UTP25: variants seen among roughly 807,000 people sequenced by gnomAD.
UTP25 encodes the protein UTP25 small subunit processome component.
In UTP25, 50 loss-of-function variants were observed where a neutral mutation model predicts 78.9. The observed-to-expected ratio is 0.63, with a 90% confidence interval of 0.50 to 0.80. The LOEUF is 0.80. Among genes scored for constraint, UTP25 ranks in the 30% least tolerant of loss-of-function variants. The pLI, the probability that UTP25 is intolerant of heterozygous loss-of-function variation, is 0.00. For missense variants in UTP25, 846 were observed against 911.3 expected (o/e 0.93, Z 0.92); for synonymous variants, 329 against 336.5 (o/e 0.98, Z 0.24).
rs776332721 is a variant in UTP25 at position 209,830,852 on chromosome 1, CACA to C, written c.202_204del (p.Gln68del). 9 of 1,613,848 alleles carry C rather than the reference CACA, an allele frequency of 5.6e-6. No homozygotes were observed. In the East Asian group the frequency reaches 2.0e-4, roughly 36 times the overall value. ...TCTGAAAGCGACTCAGAGAGTGAAC[CACA>C]ACAAGTTTCTGGCTACCACAGACTA... On this transcript the variant is annotated inframe_deletion, in exon 3 of 12. Transcript: ENST00000491415.
At chr1:209,835,759 A>G (rs925257366) in intron 5 of UTP25, among the ~76,000 whole-genome samples, 9 of 152,322 alleles carry the variant, frequency 5.9e-5, no homozygotes, top group Admixed American at 2.0e-4. Flanking sequence ...AAGAAATCAT[A>G]CAAAGACATC....
intron 2 of UTP25, 73 bp downstream of exon 2, chr1:209,830,220 C>G (rs2102566936): frequency 1.5e-6 from 2 of 1,311,748 alleles, no homozygotes; most frequent in Non-Finnish European, 2.1e-6. Context: ...AATAATAAAG[C>G]TTGATTACAT....
At position 209,853,337 on chromosome 1, in the gene UTP25, A is replaced by T. The variant is rs1371985681; in HGVS notation, c.*1890A>T. On this transcript the variant is annotated 3_prime_UTR_variant, in exon 12 of 12. Coordinates refer to ENST00000491415, the MANE Select transcript of UTP25 (RefSeq NM_014388.7). ...TTACCTCATTCAGAAATGTGAGGCGAAGGGACTGTAATTACCTGGATCTTT... is the reference window on the plus strand; with the variant it reads ...TTACCTCATTCAGAAATGTGAGGCGTAGGGACTGTAATTACCTGGATCTTT... 6.6e-6 allele frequency: 1 copy of T among 151,828 alleles called. No homozygotes were observed. The highest frequency in any genetic ancestry group is 1.5e-5 in the Non-Finnish European group (1 of 68,002). The allele number at this position is 151,828 out of a possible 1,614,324, so 9.4% of individuals were successfully genotyped here.
At chr1:209,850,601 C>T (rs984967319) in intron 11 of UTP25, among the ~76,000 whole-genome samples, 4 of 152,196 alleles carry the variant, frequency 2.6e-5, no homozygotes, top group Non-Finnish European at 5.9e-5. Context: ...CACCACAGGG[C>T]GGCACTGTGC....
Position 209,831,110 on chromosome 1 carries a change from G to A in UTP25, c.388+67G>A, listed in dbSNP as rs2078101183. ...ATAGACAGTTCATCTCATGAGCATG[G>A]TACCTTATATACTGTGTGAGTTGGA... On this transcript the variant is annotated intron_variant, in intron 3 of 11. Coordinates refer to ENST00000491415, the MANE Select transcript of UTP25 (RefSeq NM_014388.7). 3.2e-6 allele frequency: 5 copies of A among 1,545,576 alleles called. No individual in the cohort carries two copies. The South Asian group carries it at 5.8e-5, about 18-fold the overall frequency.
In UTP25 at chr1:209,851,297, C is replaced by G; in HGVS notation, c.2121C>G (p.Thr707=). 1 of 1,614,138 alleles carries G rather than the reference C, an allele frequency of 6.2e-7. No individual in the cohort carries two copies. Among genetic ancestry groups the G allele is most frequent in the Non-Finnish European group, 8.5e-7 (1 of 1,180,018 alleles). ...YSEICNMLRA[T]NRGEEATWTC... is the part of the protein sequence containing the mutation. ...AAATCTGTAATATGCTGAGAGCCAC[C>G]AACAGAGGAGAAGAGGCCACGTGGA... The change falls in exon 12 of 12, where the codon ACC becomes ACG. Residue 707 remains threonine, a synonymous_variant. Transcript: ENST00000491415.
intron 6 of UTP25, 145 bp from the exon 7 acceptor site, chr1:209,838,764 C>G (rs41274842): frequency 2.3e-6 from 2 of 888,058 alleles, no homozygotes; most frequent in Middle Eastern, 2.8e-4. Flanking sequence ...CCAAGCCCTG[C>G]GCAAAGCGGG....
In UTP25 at chr1:209,833,281, A is replaced by G. The variant is rs2078113583; in HGVS notation, c.485A>G (p.His162Arg). The change falls in exon 4 of 12, where the codon CAC becomes CGC. Residue 162 changes from histidine to arginine, a missense_variant. Coordinates refer to ENST00000491415, the MANE Select transcript of UTP25 (RefSeq NM_014388.7). ...TSPEEFTDAK[H>R]ESLFSLETNF... ...CCCGAAGAGTTCACAGATGCAAAACACGAGTCACTGTTCAGCCTGGAAACC... is the reference window on the plus strand; with the variant it reads ...CCCGAAGAGTTCACAGATGCAAAACGCGAGTCACTGTTCAGCCTGGAAACC... 6.2e-7 allele frequency: 1 copy of G among 1,604,112 alleles called. No individual in the cohort carries two copies. Among genetic ancestry groups the G allele is most frequent in the African/African-American group, 1.3e-5 (1 of 74,390 alleles).
intron 3 of UTP25, among the ~76,000 whole-genome samples, chr1:209,832,825 A>AC (rs2078110599): frequency 6.6e-6 from 1 of 152,230 alleles, no homozygotes. Flanking sequence ...TGGAGGTTGC[A>AC]GTGAGCCAAG....
intron 8 of UTP25, among the ~76,000 whole-genome samples, chr1:209,841,501 G>A (rs1373912007): frequency 6.6e-6 from 1 of 152,120 alleles, no homozygotes; most frequent in Non-Finnish European, 1.5e-5. Context: ...GTGGGATCTT[G>A]TTTTGTAGAG....
At position 209,842,631 on chromosome 1, in the gene UTP25, G is replaced by A. The variant is rs1477793388; in HGVS notation, c.1717G>A (p.Val573Met). 10 of 1,613,758 alleles carry A rather than the reference G, an allele frequency of 6.2e-6. No individual in the cohort carries two copies. Among genetic ancestry groups the A allele is most frequent in the Non-Finnish European group, 8.5e-6 (10 of 1,179,964 alleles). ...GACAGGCTCTATCAGTCATGTCCTG[G>A]TGCAGCTCCCACATGTCTTCCAGAG... ...PMTGSISHVL[V>M]QLPHVFQRME... Residue 573 changes from valine (V) to methionine (M), a missense_variant, in exon 10 of 12, where the codon GTG becomes ATG. Val to Met is a conservative substitution (Grantham distance 21). Transcript: ENST00000491415.
chr1:209,844,694 A>G (rs1558055921), intron 11 of UTP25: 2 of 150,478 alleles, frequency 1.3e-5, no homozygotes, highest in African/African-American at 2.4e-5. Flanking sequence ...TGAGCCTTCT[A>G]TTACTGTTTG....
At position 209,857,467 on chromosome 1, in the gene UTP25, TTA is replaced by T. The variant is rs2078286535; in HGVS notation, c.*6022_*6023del. The T allele has an allele frequency of 6.6e-6, 1 of 152,212 alleles. No homozygotes were observed. The highest frequency in any genetic ancestry group is 2.4e-5 in the African/African-American group (1 of 41,456). 9.4% of individuals were successfully genotyped at this position (152,212 alleles called of 1,614,324 possible). ...CTATTTGGTGATCATTATTAATGTC[TTA>T]TGTTTCCTCCCAGATTGTTTTCTGC... On this transcript the variant is annotated 3_prime_UTR_variant, in exon 12 of 12. Transcript: ENST00000491415.
intron 7 of UTP25, among the ~76,000 whole-genome samples, chr1:209,839,421 G>A (rs1242949667): frequency 6.6e-6 from 1 of 152,226 alleles, no homozygotes; most frequent in Admixed American, 6.5e-5. Flanking sequence ...CACACCCATA[G>A]CTGGTAGCAG....
In UTP25 at chr1:209,856,784, G is replaced by T. The variant is rs2078279831; in HGVS notation, c.*5337G>T. On this transcript the variant is annotated 3_prime_UTR_variant, in exon 12 of 12. Transcript: ENST00000491415. ...GTTGATGCTGGCCATTTGGTGGCGT[G>T]AGGAGTGGGCACTCACATGTCTCTG... 6.6e-6 allele frequency: 1 copy of T among 152,256 alleles called. No individual in the cohort carries two copies. The highest frequency in any genetic ancestry group is 2.4e-5 in the African/African-American group (1 of 41,468). 9.4% of individuals were successfully genotyped at this position (152,256 alleles called of 1,614,324 possible). A position where few individuals can be genotyped will look rare whatever the true frequency, so the allele number is the denominator to read the frequency against.
chr1:209,840,481 G>T (rs1371036685), intron 7 of UTP25, among the ~76,000 whole-genome samples: 1 of 152,318 alleles, frequency 6.6e-6, no homozygotes, highest in East Asian at 1.9e-4. Flanking sequence ...TCTCAAAAGT[G>T]TTCATCCTGT....
chr1:209,846,241 A>G (rs531974121), intron 11 of UTP25, among the ~76,000 whole-genome samples: 7 of 152,256 alleles, frequency 4.6e-5, no homozygotes, highest in Admixed American at 4.6e-4. Context: ...GGAAGATTAG[A>G]ATTCATTTTT....
chr1:209,845,411 T>G (rs1325886937), intron 11 of UTP25, among the ~76,000 whole-genome samples: 4 of 152,208 alleles, frequency 2.6e-5, no homozygotes, highest in Non-Finnish European at 5.9e-5. Flanking sequence ...AGCAAGCCCT[T>G]TAAGTGAAGT....
In UTP25 at chr1:209,830,876, G is replaced by C. The variant is rs148519768; in HGVS notation, c.221G>C (p.Arg74Thr). 2.0e-4 allele frequency: 325 copies of C among 1,614,112 alleles called. 2 individuals are homozygous for C. The highest frequency in any genetic ancestry group is 6.1e-4 in the South Asian group (56 of 91,076). The change falls in exon 3 of 12, where the codon AGA becomes ACA. Residue 74 changes from arginine to threonine, a missense_variant. Arg to Thr is a moderately conservative substitution (Grantham distance 71). Coordinates refer to ENST00000491415, the MANE Select transcript of UTP25 (RefSeq NM_014388.7). ...CCACAACAAGTTTCTGGCTACCACA[G>C]ACTACTTGCTACATTAAAGAATGTT... is the stretch of plus-strand genomic sequence containing the variant. ...SEPQQVSGYH[R>T]LLATLKNVSE...
Sources: allele counts gnomAD v4.1 joint callset (sites outside exome capture counted in the v4.1 genomes callset), GRCh38; gene constraint gnomAD v4.1.1; transcripts MANE v1.5; gene names NCBI Gene and HGNC (gene_info 2026-07-23, HGNC 2026-07-21).